Variants in OVCH1 observed in about 807,000 individuals in gnomAD.
OVCH1 encodes ovochymase 1.
Under a neutral mutation model 138.4 loss-of-function variants are expected in OVCH1, and 139 were observed. That is an observed-to-expected ratio of 1.00 (90% CI 0.87 to 1.16). The LOEUF (loss-of-function observed/expected upper bound fraction) is 1.16, where lower values mean the gene tolerates loss of function less well. OVCH1 is among the 50% of genes most tolerant of loss of function. The pLI is 0.00. For missense variants in OVCH1, 1,367 were observed against 1,357.9 expected, an observed-to-expected ratio of 1.01 and a Z score of -0.11; for synonymous variants, 453 against 467.8, an observed-to-expected ratio of 0.97 and a Z score of 0.41.
chr12:29,453,882 G>C (rs1941867633), intron 21 of OVCH1, among the ~76,000 whole-genome samples: 1 of 151,968 alleles, frequency 6.6e-6, no homozygotes, highest in African/African-American at 2.4e-5. Flanking sequence ...TTCATCTCAG[G>C]GGGCCTTTAT....
chr12:29,406,130 C>CT, the OVCH1 span, among the ~76,000 whole-genome samples: 1 of 151,992 alleles, frequency 6.6e-6, no homozygotes, highest in Non-Finnish European at 1.5e-5. Flanking sequence ...GTATGTGTGT[C>CT]TGAGTTTGTG....
chr12:29,474,060 A>AACACACACAC (rs1329610894), intron 14 of OVCH1, among the ~76,000 whole-genome samples: 11 of 115,216 alleles, frequency 9.5e-5, no homozygotes, highest in East Asian at 2.3e-4. Context: ...ATACTTAATA[A>AACACACACAC]ACACACACAC....
chr12:29,407,627 CA>C (rs1443189628), downstream of OVCH1, among the ~76,000 whole-genome samples: 4 of 151,998 alleles, frequency 2.6e-5, no homozygotes, highest in Non-Finnish European at 5.9e-5. Context: ...AGATATGCAG[CA>C]TTGTTTCTGA....
chr12:29,429,187 C>G (rs1022057076), intron 27 of OVCH1, among the ~76,000 whole-genome samples: 3 of 152,196 alleles, frequency 2.0e-5, no homozygotes, highest in Admixed American at 6.5e-5. Context: ...TGAGTAAATA[C>G]ATTTTCAAAA....
intron 26 of OVCH1, among the ~76,000 whole-genome samples, chr12:29,437,041 T>C (rs986426789): frequency 7.2e-5 from 11 of 152,174 alleles, no homozygotes; most frequent in African/African-American, 2.2e-4. Flanking sequence ...AGAGTGCTGA[T>C]TGGTGCATTT....
chr12:29,457,656 G>A (rs1281620568), intron 19 of OVCH1, among the ~76,000 whole-genome samples: 2 of 151,844 alleles, frequency 1.3e-5, no homozygotes, highest in Non-Finnish European at 2.9e-5. Flanking sequence ...GCCTGCCTTG[G>A]CCTCCCAAAG....
chr12:29,451,239 T>C, intron 22 of OVCH1, 106 bp downstream of exon 22: 3 of 784,890 alleles, frequency 3.8e-6, no homozygotes, highest in Non-Finnish European at 6.1e-6. Context: ...ATTACATGGA[T>C]CAACATTTTG....
At chr12:29,432,281 A>AGGTGGGGG (rs1941283355) in intron 27 of OVCH1, among the ~76,000 whole-genome samples, 1 of 152,204 alleles carries the variant, frequency 6.6e-6, no homozygotes, top group African/African-American at 2.4e-5. Context: ...TTTGGCTATT[A>AGGTGGGGG]CACATAAAAC....
At chr12:29,406,030 C>A in the OVCH1 span, among the ~76,000 whole-genome samples, 3 of 152,160 alleles carry the variant, frequency 2.0e-5, no homozygotes, top group Non-Finnish European at 4.4e-5. Context: ...ACCATTCATA[C>A]CAATCCATCA....
chr12:29,457,991 G>C (rs1166272572), intron 19 of OVCH1, among the ~76,000 whole-genome samples: 1 of 152,124 alleles, frequency 6.6e-6, no homozygotes, highest in Non-Finnish European at 1.5e-5. Context: ...TAGGCTCTAA[G>C]GCAAGATATG....
intron 27 of OVCH1, among the ~76,000 whole-genome samples, chr12:29,428,819 A>T (rs886538490): frequency 6.6e-6 from 1 of 152,236 alleles, no homozygotes; most frequent in African/African-American, 2.4e-5. Context: ...CTAAGAGGAA[A>T]CTAGAGAAGT....
At chr12:29,435,907 GTTTA>G (rs1016561641) in intron 26 of OVCH1, among the ~76,000 whole-genome samples, 5 of 151,994 alleles carry the variant, frequency 3.3e-5, no homozygotes, top group Non-Finnish European at 5.9e-5. Flanking sequence ...AATTAGAAAT[GTTTA>G]TTTATTCACT....
chr12:29,439,334 A>C, exon 26 of OVCH1: 1 of 1,523,358 alleles, frequency 6.6e-7, no homozygotes, highest in Non-Finnish European at 8.8e-7. Context: ...TCACCACTGA[A>C]TTTTCCCATA....
downstream of OVCH1, among the ~76,000 whole-genome samples, chr12:29,423,921 C>A (rs942342977): frequency 6.6e-6 from 1 of 152,000 alleles, no homozygotes; most frequent in Non-Finnish European, 1.5e-5. Context: ...TGGGTAGAAC[C>A]AACAAATAAC....
At chr12:29,437,761 T>C (rs767437712) in intron 26 of OVCH1, among the ~76,000 whole-genome samples, 44 of 152,190 alleles carry the variant, frequency 2.9e-4, no homozygotes, top group Non-Finnish European at 5.1e-4. Context: ...CTTTCTTATC[T>C]ATCAAAAGAG....
At chr12:29,449,718 C>A (rs1022983237) in intron 22 of OVCH1, among the ~76,000 whole-genome samples, 1 of 152,172 alleles carries the variant, frequency 6.6e-6, no homozygotes. Flanking sequence ...CAATCCTAAG[C>A]AAAAGGAACA....
At chr12:29,481,469 A>G (rs888830830) in intron 8 of OVCH1, among the ~76,000 whole-genome samples, 1 of 152,122 alleles carries the variant, frequency 6.6e-6, no homozygotes, top group Non-Finnish European at 1.5e-5. Context: ...TATCTTAACT[A>G]TTTTATCTCT....
exon 11 of OVCH1, chr12:29,477,400 G>C (rs777228832): frequency 6.8e-6 from 11 of 1,613,834 alleles, no homozygotes; most frequent in Middle Eastern, 1.6e-4. Flanking sequence ...ACTGTCTTCT[G>C]TATCAGAAAC....
chr12:29,442,273 C>G (rs1941505275), intron 25 of OVCH1, among the ~76,000 whole-genome samples: 2 of 151,482 alleles, frequency 1.3e-5, no homozygotes, highest in Non-Finnish European at 2.9e-5. Context: ...ACATATACAC[C>G]ATGGAATATT....
Sources: allele counts gnomAD v4.1 joint callset (sites outside exome capture counted in the v4.1 genomes callset), GRCh38; gene constraint gnomAD v4.1.1; transcripts MANE v1.5; gene names NCBI Gene and HGNC (gene_info 2026-07-23, HGNC 2026-07-21).